The following NUP210 variants were observed in gnomAD, a reference collection of about 807,000 sequenced individuals.
The protein encoded by NUP210 is nuclear pore membrane glycoprotein 210.
NUP210 carries 151 observed loss-of-function variants against 196.0 expected under a neutral mutation model. The observed-to-expected ratio is 0.77, with a 90% CI of 0.67 to 0.88. The LOEUF (loss-of-function observed/expected upper bound fraction) is 0.88. Among genes scored for constraint, NUP210 ranks in the 40% least tolerant of loss-of-function variants. The pLI is 0.00. For synonymous variants in NUP210, 1,070 were observed against 1,052.7 expected, an observed-to-expected ratio of 1.02 and a Z score of -0.32; for missense variants, 2,314 against 2,493.7, an observed-to-expected ratio of 0.93 and a Z score of 1.53.
Position 13,327,437 on chromosome 3 carries a change from T to G in NUP210, c.4287A>C (p.Arg1429Ser), listed in dbSNP as rs770468371. ...HSSVLNFATNRDDFVQIGKGP... is the reference protein window; with the variant it reads ...HSSVLNFATNSDDFVQIGKGP... The stretch of plus-strand genomic sequence containing the variant: ...CCTTCCCGATCTGCACAAAGTCGTC[T>G]CTAGGCACAGGAGAGAAAGGAGGGC... The change falls in exon 32 of 40, where the codon AGA (arginine) becomes AGC (serine). Residue 1429 changes from arginine to serine, a missense_variant and splice_region_variant. By Grantham distance (110) the Arg-to-Ser change is moderately radical. Transcript: ENST00000254508. 2 of 1,605,962 alleles carry G rather than the reference T, an allele frequency of 1.2e-6. No individual in the cohort carries two copies.
intron 27 of NUP210, among the ~76,000 whole-genome samples, chr3:13,336,434 G>C (rs1371426810): frequency 6.6e-6 from 1 of 152,174 alleles, no homozygotes; most frequent in Admixed American, 6.5e-5. Context: ...CCCTCGCTGG[G>C]CTAAGGGAAG....
At chr3:13,322,129 G>T in intron 35 of NUP210, 64 bp downstream of exon 35, 2 of 1,581,636 alleles carry the variant, frequency 1.3e-6, no homozygotes, top group Non-Finnish European at 1.7e-6. Flanking sequence ...CGTGGAAGCC[G>T]CAAGATGCCC....
intron 4 of NUP210, among the ~76,000 whole-genome samples, chr3:13,389,002 C>A (rs563546452): frequency 6.6e-6 from 1 of 152,374 alleles, no homozygotes; most frequent in South Asian, 2.1e-4. Context: ...ATGTCGGGGA[C>A]GTGGTGTAGC....
Position 13,372,027 on chromosome 3 carries a change from A to G in NUP210, c.1593T>C (p.Tyr531=), listed in dbSNP as rs1698749398. 5.7e-6 allele frequency: 9 copies of G among 1,574,028 alleles called. No homozygotes were observed. Among genetic ancestry groups the G allele is most frequent in the Non-Finnish European group, 7.8e-6 (9 of 1,158,168 alleles). Residue 531 remains tyrosine (Y), a synonymous_variant, in exon 13 of 40, where the codon TAT becomes TAC. Coordinates refer to ENST00000254508, the MANE Select transcript of NUP210 (RefSeq NM_024923.4). ...NPLHFGEMKV[Y]VIEPHSMEFA... ...ACTCCATGCTGTGGGGCTCGATCAC[A>G]TACACCTGGAAGACAGGGGCATGGC...
chr3:13,376,396 G>T lies in NUP210; in HGVS notation c.1188C>A (p.Phe396Leu), dbSNP rs758268642. 8 of 1,614,140 alleles carry T rather than the reference G, an allele frequency of 5.0e-6. No homozygotes were observed. Among genetic ancestry groups the T allele is most frequent in the African/African-American group, 1.3e-5 (1 of 74,952 alleles). Reference protein sequence around the residue: ...IRIETVLPAEFFEVLSSSQNG... With the variant: ...IRIETVLPAELFEVLSSSQNG... ...TCTGGGAGGACGAGAGCACCTCGAA[G>T]AACTCAGCAGGAAGCACAGTTTCAA... The change falls in exon 10 of 40, where the codon TTC becomes TTA. Residue 396 changes from phenylalanine to leucine, a missense_variant. Coordinates refer to ENST00000254508, the MANE Select transcript of NUP210 (RefSeq NM_024923.4).
chr3:13,319,644 A>G (rs1313856370), intron 37 of NUP210, 119 bp downstream of exon 37: 2 of 846,566 alleles, frequency 2.4e-6, no homozygotes, highest in East Asian at 2.7e-5. Context: ...TTTGAGGGAC[A>G]TTCTGCATTT....
intron 1 of NUP210, among the ~76,000 whole-genome samples, chr3:13,415,619 C>A (rs552676796): frequency 2.0e-5 from 3 of 152,170 alleles, no homozygotes; most frequent in African/African-American, 7.2e-5. Context: ...GAAGGAGGTA[C>A]AGAAGAGCAA....
At chr3:13,364,962 G>A (rs1698482361) in intron 14 of NUP210, among the ~76,000 whole-genome samples, 1 of 152,326 alleles carries the variant, frequency 6.6e-6, no homozygotes, top group Middle Eastern at 3.4e-3. Flanking sequence ...GGCTGACACT[G>A]GGAGCAGAAA....
At chr3:13,401,744 A>T (rs968714914) in intron 1 of NUP210, among the ~76,000 whole-genome samples, 1 of 152,170 alleles carries the variant, frequency 6.6e-6, no homozygotes, top group Non-Finnish European at 1.5e-5. Flanking sequence ...CACACACAAG[A>T]GTGTGGAAAC....
At chr3:13,369,816 C>G (rs1322208251) in intron 13 of NUP210, among the ~76,000 whole-genome samples, 1 of 152,184 alleles carries the variant, frequency 6.6e-6, no homozygotes, top group Admixed American at 6.5e-5. Context: ...GTGCCCACAG[C>G]CCAGGGGCTT....
intron 37 of NUP210, 78 bp from the exon 38 acceptor site, chr3:13,319,403 C>CA: frequency 8.2e-7 from 1 of 1,217,132 alleles, no homozygotes; most frequent in Non-Finnish European, 1.2e-6. Context: ...CCCTACTGTA[C>CA]GTCTACAGGG....
chr3:13,412,226 C>CTTTTCT (rs1553605344), intron 1 of NUP210, among the ~76,000 whole-genome samples: 2 of 70,898 alleles, frequency 2.8e-5, no homozygotes, highest in Non-Finnish European at 2.7e-5. Flanking sequence ...CTTTATTTTC[C>CTTTTCT]TTTTCTTTTT....
chr3:13,368,167 C>A (rs1418984731), intron 13 of NUP210, among the ~76,000 whole-genome samples: 1 of 152,162 alleles, frequency 6.6e-6, no homozygotes, highest in African/African-American at 2.4e-5. Flanking sequence ...CCTCCACCTC[C>A]CAGGCTCAAG....
chr3:13,341,051 C>G (rs1408139965), intron 23 of NUP210: 2 of 152,296 alleles, frequency 1.3e-5, no homozygotes, highest in African/African-American at 2.4e-5. Flanking sequence ...CTTCGGATCA[C>G]AGATTAATGA....
At chr3:13,341,648 T>C (rs1012930105) in intron 23 of NUP210, 100 bp downstream of exon 23, 18 of 1,361,092 alleles carry the variant, frequency 1.3e-5, no homozygotes, top group Middle Eastern at 2.4e-4. Flanking sequence ...CAGATTTTTA[T>C]ATGGCTTCTC....
chr3:13,353,010 T>G (rs1698034711), intron 18 of NUP210, among the ~76,000 whole-genome samples: 1 of 151,996 alleles, frequency 6.6e-6, no homozygotes, highest in Admixed American at 6.5e-5. Flanking sequence ...CAGGAGGCCG[T>G]GACGCCCCCT....
chr3:13,378,109 T>C (rs1014434331), intron 8 of NUP210, among the ~76,000 whole-genome samples: 7 of 151,126 alleles, frequency 4.6e-5, no homozygotes, highest in African/African-American at 1.7e-4. Flanking sequence ...ATTCCCGTCC[T>C]CAGTGGGTCT....
At chr3:13,392,410 T>C (rs542254232) in intron 3 of NUP210, among the ~76,000 whole-genome samples, 2 of 152,334 alleles carry the variant, frequency 1.3e-5, no homozygotes, top group South Asian at 4.1e-4. Context: ...CCATCTATGA[T>C]GTACATATAT....
intron 20 of NUP210, among the ~76,000 whole-genome samples, chr3:13,343,850 T>C (rs1187305624): frequency 6.6e-6 from 1 of 152,158 alleles, no homozygotes. Context: ...CCAATCAGAC[T>C]GATGGAACCA....
Sources: gnomAD v4.1 joint callset for allele counts (sites outside exome capture counted in the v4.1 genomes callset) on GRCh38, gnomAD v4.1.1 for gene constraint, MANE v1.5 for transcripts, NCBI Gene and HGNC (gene_info 2026-07-23, HGNC 2026-07-21) for gene names.